The following EHD3 variants were observed in gnomAD, a reference collection of about 807,000 sequenced individuals.
The protein encoded by EHD3 is EH domain-containing protein 3.
EHD3 carries 17 observed loss-of-function variants against 43.0 expected under a neutral mutation model. That is an observed-to-expected ratio of 0.40 (90% CI 0.27 to 0.59). The LOEUF (loss-of-function observed/expected upper bound fraction) is 0.59. Ranked by LOEUF, EHD3 falls within the 20% of genes least tolerant of loss-of-function variation. The pLI is 0.49. For synonymous variants in EHD3, 313 were observed against 289.5 expected (o/e 1.08, Z -0.82); for missense variants, 594 against 705.6 (o/e 0.84, Z 1.79).
rs1207187920 is a variant in EHD3 at position 31,260,331 on chromosome 2, A to G, written c.503-179A>G. ...TTTAACAGTATTTTTAGACGAAAAAAATTCTATGAGACATTGAGTAATTTG... is the reference window on the plus strand; with the variant it reads ...TTTAACAGTATTTTTAGACGAAAAAGATTCTATGAGACATTGAGTAATTTG... On this transcript the variant is annotated intron_variant, in intron 3 of 5. Coordinates refer to ENST00000322054, the MANE Select transcript of EHD3 (RefSeq NM_014600.3). This position sits in a 1 kb window ranked among gnomAD's most constrained non-coding sequence, Gnocchi z 4.6. Among the ~76,000 whole-genome samples the G allele has an allele frequency of 6.6e-6, 1 of 152,186 alleles. No individual in the cohort carries two copies. The highest frequency in any genetic ancestry group is 1.5e-5 in the Non-Finnish European group (1 of 68,040).
chr2:31,236,213 T>A (rs1399564714), intron 1 of EHD3, among the ~76,000 whole-genome samples: 1 of 152,174 alleles, frequency 6.6e-6, no homozygotes, highest in Non-Finnish European at 1.5e-5. Context: ...CACATTGAGT[T>A]TGTCCTTGTG....
At chr2:31,251,376 G>A (rs597800) in intron 3 of EHD3, among the ~76,000 whole-genome samples, 23 of 152,196 alleles carry the variant, frequency 1.5e-4, no homozygotes, top group Non-Finnish European at 7.4e-5. Context: ...AGGTTAACCC[G>A]AGTCAGCCCT....
At chr2:31,264,722 C>T (rs1046830024) in intron 5 of EHD3, among the ~76,000 whole-genome samples, 1 of 151,378 alleles carries the variant, frequency 6.6e-6, no homozygotes, top group African/African-American at 2.4e-5. Flanking sequence ...TTAGTAGAGA[C>T]GGGGTTTTCA....
chr2:31,266,784 ACACACAC>A lies in EHD3; in HGVS notation c.*81_*87del. On this transcript the variant is annotated 3_prime_UTR_variant, in exon 6 of 6. Transcript: ENST00000322054. This position sits in a 1 kb window ranked among gnomAD's most constrained non-coding sequence, Gnocchi z 5.1. The stretch of plus-strand genomic sequence containing the variant: ...ACTACACACACACACACACACACAC[ACACACAC>A]ACAAACATGCACACACACATATGCA... 1.4e-6 allele frequency: 2 copies of A among 1,409,100 alleles called. No homozygotes were observed. The highest frequency in any genetic ancestry group is 1.4e-5 in the African/African-American group (1 of 70,950). 87.3% of individuals were successfully genotyped at this position (1,409,100 alleles called of 1,614,324 possible).
In EHD3 at chr2:31,246,190, A is replaced by C. The variant is rs1000512530; in HGVS notation, c.404+1740A>C. 2.6e-5 allele frequency among the ~76,000 whole-genome samples: 4 copies of C among 151,964 alleles called. No homozygotes were observed. The South Asian group carries it at 6.2e-4, about 24-fold the overall frequency. ...AGGTGCAGTGGGGCAGGTGTCCTGG[A>C]GTCCAGGGGTGTCTCTTATACCTGG... On this transcript the variant is annotated intron_variant, in intron 2 of 5. Transcript: ENST00000322054.
chr2:31,261,462 GGGAA>G (rs755138831), intron 4 of EHD3, 83 bp from the exon 5 acceptor site: 13 of 1,481,632 alleles, frequency 8.8e-6, no homozygotes, highest in Non-Finnish European at 1.2e-5. Context: ...AGGGATGTAG[GGGAA>G]GGAATGATGC....
chr2:31,237,294 T>C (rs1429293258), intron 1 of EHD3, among the ~76,000 whole-genome samples: 1 of 151,550 alleles, frequency 6.6e-6, no homozygotes, highest in African/African-American at 2.4e-5. Context: ...ATAAAATATA[T>C]TTATATATAA....
chr2:31,253,734 G>A (rs752504672), intron 3 of EHD3, among the ~76,000 whole-genome samples: 3 of 152,192 alleles, frequency 2.0e-5, no homozygotes, highest in Non-Finnish European at 4.4e-5. Flanking sequence ...GGGGCGGGGT[G>A]TGTCTTGTGG....
At chr2:31,253,541 G>T (rs1450978405) in intron 3 of EHD3, among the ~76,000 whole-genome samples, 1 of 152,184 alleles carries the variant, frequency 6.6e-6, no homozygotes, top group Non-Finnish European at 1.5e-5. Context: ...ATAAAAAGGG[G>T]CATGGTTATC....
chr2:31,251,672 G>A (rs1450093925), intron 3 of EHD3, among the ~76,000 whole-genome samples: 1 of 152,084 alleles, frequency 6.6e-6, no homozygotes, highest in Non-Finnish European at 1.5e-5. Context: ...CTATCTCTGG[G>A]CTGTATGGTG....
chr2:31,266,832 C>T lies in EHD3; in HGVS notation c.*128C>T. 8.1e-7 allele frequency: 1 copy of T among 1,237,450 alleles called. No individual in the cohort carries two copies. The allele number at this position is 1,237,450 out of a possible 1,614,324, so 76.7% of individuals were successfully genotyped here. On this transcript the variant is annotated 3_prime_UTR_variant, in exon 6 of 6. Coordinates refer to ENST00000322054, the MANE Select transcript of EHD3 (RefSeq NM_014600.3). The surrounding 1 kb of genome is among the most constrained non-coding windows in gnomAD (Gnocchi z 5.1). Reference sequence around the variant, plus strand: ...CACATATGCATATCTTGACATTGCTCTGTAGGTGAGAGAGGACCATGACGC... The same window carrying T: ...CACATATGCATATCTTGACATTGCTTTGTAGGTGAGAGAGGACCATGACGC...
rs1282038993 is a variant in EHD3 at position 31,260,790 on chromosome 2, C to T, written c.783C>T (p.Pro261=). The change falls in exon 4 of 6, where the codon CCC becomes CCT. Residue 261 remains proline, a synonymous_variant. Transcript: ENST00000322054. The surrounding 1 kb of genome is among the most constrained non-coding windows in gnomAD (Gnocchi z 4.6). ...ACATCGGCTCCTTCTGGTCCCACCC[C>T]CTCCTCATCCCTGACAACCGGAAGC... ...RVYIGSFWSH[P]LLIPDNRKLF... 5 of 1,614,100 alleles carry T rather than the reference C, an allele frequency of 3.1e-6. No individual in the cohort carries two copies. Among genetic ancestry groups the T allele is most frequent in the African/African-American group, 1.3e-5 (1 of 74,934 alleles).
intron 1 of EHD3, among the ~76,000 whole-genome samples, chr2:31,243,505 G>A (rs377670650): frequency 8.3e-6 from 1 of 120,110 alleles, no homozygotes; most frequent in East Asian, 2.7e-4. Context: ...TGCCCAGGCT[G>A]TAGTGCAATG....
At chr2:31,256,979 T>C (rs1383406150) in intron 3 of EHD3, among the ~76,000 whole-genome samples, 1 of 152,068 alleles carries the variant, frequency 6.6e-6, no homozygotes, top group Non-Finnish European at 1.5e-5. Flanking sequence ...TTCTGAGCCA[T>C]TGAGCCAATA....
At chr2:31,234,993 CAA>C (rs762562863) in intron 1 of EHD3, 145 bp downstream of exon 1, 1 of 776,896 alleles carries the variant, frequency 1.3e-6, no homozygotes, top group Admixed American at 2.9e-5. Context: ...GTGCAGGCGT[CAA>C]AATCTTACCC....
chr2:31,261,440 G>C, intron 4 of EHD3, 109 bp from the exon 5 acceptor site: 1 of 1,282,212 alleles, frequency 7.8e-7, no homozygotes, highest in Non-Finnish European at 1.1e-6. Flanking sequence ...AGTAGGAGCA[G>C]GAGGAGGCGG....
At chr2:31,245,547 A>T (rs1477404695) in intron 2 of EHD3, among the ~76,000 whole-genome samples, 2 of 83,172 alleles carry the variant, frequency 2.4e-5, no homozygotes, top group African/African-American at 6.2e-5. Context: ...ATATATATAT[A>T]TATATATTTT....
At chr2:31,258,295 A>T (rs1683790403) in intron 3 of EHD3, among the ~76,000 whole-genome samples, 1 of 152,248 alleles carries the variant, frequency 6.6e-6, no homozygotes, top group South Asian at 2.1e-4. Flanking sequence ...GCTTTAGGGC[A>T]GCAAGTTTTC....
Position 31,261,055 on chromosome 2 carries a change from G to C in EHD3, c.915+133G>C, listed in dbSNP as rs1190375251. 4 of 1,024,476 alleles carry C rather than the reference G, an allele frequency of 3.9e-6. No individual in the cohort carries two copies. In the East Asian group the frequency reaches 7.8e-5, roughly 20 times the overall value. 63.5% of individuals were successfully genotyped at this position (1,024,476 alleles called of 1,614,324 possible). On this transcript the variant is annotated intron_variant, in intron 4 of 5. Transcript: ENST00000322054. ...TGACACCAAGGGGCAGGACAGTGCG[G>C]GAGCCATGGTTACAAGCTCTCAGGT...
Sources: allele counts gnomAD v4.1 joint callset (sites outside exome capture counted in the v4.1 genomes callset), GRCh38; gene constraint gnomAD v4.1.1; non-coding constraint Gnocchi (gnomAD v3.1); transcripts MANE v1.5; gene names NCBI Gene and HGNC (gene_info 2026-07-23, HGNC 2026-07-21).